The following KCNT2 variants were observed in gnomAD, a reference collection of about 807,000 sequenced individuals.
KCNT2 encodes the protein potassium sodium-activated channel subfamily T member 2.
Under a neutral mutation model 153.8 loss-of-function variants are expected in KCNT2, and 67 were observed. That is an observed-to-expected ratio of 0.44 (90% CI 0.36 to 0.53). The LOEUF is 0.53. Among genes scored for constraint, KCNT2 ranks in the 20% least tolerant of loss-of-function variants. KCNT2 has a pLI of 0.00. For missense variants in KCNT2, 975 were observed against 1,354.8 expected (o/e 0.72, Z 4.40); for synonymous variants, 500 against 458.8 (o/e 1.09, Z -1.15).
At chr1:196,269,854 C>T (rs778732883) in intron 25 of KCNT2, among the ~76,000 whole-genome samples, 61 of 152,116 alleles carry the variant, frequency 4.0e-4, no homozygotes, top group Non-Finnish European at 7.5e-4. Flanking sequence ...TTCCAAATAA[C>T]AATTTTCAAT....
intron 19 of KCNT2, among the ~76,000 whole-genome samples, chr1:196,323,331 C>T (rs1052198983): frequency 3.3e-5 from 5 of 151,886 alleles, no homozygotes; most frequent in African/African-American, 1.2e-4. Context: ...TTCCCTTCAT[C>T]CTTATGTAGC....
intron 8 of KCNT2, among the ~76,000 whole-genome samples, chr1:196,446,481 A>C (rs1225006205): frequency 6.6e-6 from 1 of 151,352 alleles, no homozygotes; most frequent in African/African-American, 2.4e-5. Context: ...TTCTCTAAAG[A>C]AGCAGCATCT....
At chr1:196,493,192 T>C (rs1480744564) in intron 1 of KCNT2, among the ~76,000 whole-genome samples, 4 of 152,200 alleles carry the variant, frequency 2.6e-5, no homozygotes, top group Non-Finnish European at 4.4e-5. Flanking sequence ...AATATATTCA[T>C]TATGAGTTAG....
At chr1:196,355,593 G>A (rs1203984188) in intron 14 of KCNT2, among the ~76,000 whole-genome samples, 2 of 151,720 alleles carry the variant, frequency 1.3e-5, no homozygotes, top group African/African-American at 4.8e-5. Context: ...CATGAAAGTA[G>A]CTTAAATTCA....
intron 12 of KCNT2, among the ~76,000 whole-genome samples, chr1:196,409,883 A>G (rs1211528984): frequency 6.6e-6 from 1 of 151,696 alleles, no homozygotes; most frequent in Non-Finnish European, 1.5e-5. Context: ...ATTGTTTTTC[A>G]TAGCTGCTTC....
chr1:196,343,429 A>T (rs1235743419), intron 14 of KCNT2, among the ~76,000 whole-genome samples: 1 of 152,168 alleles, frequency 6.6e-6, no homozygotes, highest in East Asian at 1.9e-4. Flanking sequence ...AGCACATTTT[A>T]GAAGCAATAT....
chr1:196,226,326 T>G lies in KCNT2; in HGVS notation c.*1898A>C, dbSNP rs1653487360. The G allele has an allele frequency of 6.6e-6, 1 of 152,000 alleles. No homozygotes were observed. The highest frequency in any genetic ancestry group is 2.4e-5 in the African/African-American group (1 of 41,450). The allele number at this position is 152,000 out of a possible 1,614,324, so 9.4% of individuals were successfully genotyped here. On this transcript the variant is annotated 3_prime_UTR_variant, in exon 28 of 28. Transcript: ENST00000294725. ...CAAATATAAAACAAGTTCATAAAAT[T>G]TATTGTTTTTCTCTGTTACATATAT...
At chr1:196,273,595 C>T (rs990334367) in intron 25 of KCNT2, 19 of 717,852 alleles carry the variant, frequency 2.6e-5, no homozygotes, top group African/African-American at 2.0e-4. Context: ...GTAACATATA[C>T]CCACATAACA....
chr1:196,397,476 T>C (rs1029129060), intron 13 of KCNT2, among the ~76,000 whole-genome samples: 1 of 151,462 alleles, frequency 6.6e-6, no homozygotes, highest in African/African-American at 2.4e-5. Flanking sequence ...AGAAATAGTC[T>C]TAGAGAGGCC....
At chr1:196,550,798 G>A (rs1303433617) in intron 1 of KCNT2, among the ~76,000 whole-genome samples, 1 of 151,674 alleles carries the variant, frequency 6.6e-6, no homozygotes, top group Non-Finnish European at 1.5e-5. Flanking sequence ...AAGGCTATGG[G>A]GGCAGTAGAA....
chr1:196,603,017 A>C (rs925383456), intron 1 of KCNT2, among the ~76,000 whole-genome samples: 1 of 149,942 alleles, frequency 6.7e-6, no homozygotes, highest in African/African-American at 2.5e-5. Context: ...CGATCTCCTG[A>C]CCTCATGATC....
At chr1:196,277,891 A>G (rs1016629321) in intron 25 of KCNT2, among the ~76,000 whole-genome samples, 7 of 152,122 alleles carry the variant, frequency 4.6e-5, no homozygotes, top group African/African-American at 9.7e-5. Flanking sequence ...AAAAACCTCA[A>G]TGTCTTTATT....
chr1:196,335,763 A>C (rs961431464), intron 16 of KCNT2, among the ~76,000 whole-genome samples: 3 of 151,988 alleles, frequency 2.0e-5, no homozygotes, highest in East Asian at 1.9e-4. Context: ...TGTTGCACAC[A>C]TTTTTATGCA....
intron 14 of KCNT2, among the ~76,000 whole-genome samples, chr1:196,364,043 A>G (rs1356782018): frequency 6.6e-6 from 1 of 152,136 alleles, no homozygotes; most frequent in Non-Finnish European, 1.5e-5. Flanking sequence ...TAACAACTAA[A>G]GGCAATGCAG....
At chr1:196,455,148 T>G (rs1024415237) in intron 8 of KCNT2, among the ~76,000 whole-genome samples, 3 of 151,948 alleles carry the variant, frequency 2.0e-5, no homozygotes, top group African/African-American at 7.2e-5. Flanking sequence ...GTGCATTTAT[T>G]TGACGCCAGC....
At chr1:196,363,477 T>G (rs759668438) in intron 14 of KCNT2, among the ~76,000 whole-genome samples, 14 of 152,140 alleles carry the variant, frequency 9.2e-5, no homozygotes, top group Non-Finnish European at 1.6e-4. Context: ...GATTTGAATA[T>G]GTTCCCTAAA....
At chr1:196,598,466 A>G (rs1664346360) in intron 1 of KCNT2, among the ~76,000 whole-genome samples, 1 of 152,300 alleles carries the variant, frequency 6.6e-6, no homozygotes, top group Non-Finnish European at 1.5e-5. Context: ...TCTAGAGGCA[A>G]AAGAGGTTTT....
At chr1:196,384,649 G>A (rs1263610414) in intron 13 of KCNT2, among the ~76,000 whole-genome samples, 3 of 143,808 alleles carry the variant, frequency 2.1e-5, no homozygotes, top group Admixed American at 7.3e-5. Flanking sequence ...GTTGCAGTGA[G>A]CTGAGATCTT....
chr1:196,419,622 G>A (rs889160887), intron 12 of KCNT2, among the ~76,000 whole-genome samples: 1 of 151,518 alleles, frequency 6.6e-6, no homozygotes, highest in Non-Finnish European at 1.5e-5. Context: ...CATTTGGGTT[G>A]GTTCTACTTT....
Sources: allele counts gnomAD v4.1 joint callset (sites outside exome capture counted in the v4.1 genomes callset), GRCh38; gene constraint gnomAD v4.1.1; transcripts MANE v1.5; gene names NCBI Gene and HGNC (gene_info 2026-07-23, HGNC 2026-07-21).